Variants in MEPE observed in about 807,000 individuals in gnomAD.
The protein encoded by MEPE is matrix extracellular phosphoglycoprotein, also known as matrix, extracellular phosphoglycoprotein with ASARM motif (bone).
MEPE carries 7 observed loss-of-function variants against 7.3 expected under a neutral mutation model. The ratio of observed to expected loss-of-function variants is 0.95; its 90% CI spans 0.54 to 1.79. MEPE has a LOEUF of 1.79. MEPE is among the 40% of genes most tolerant of loss of function. MEPE has a pLI of 0.00. For missense variants in MEPE, 623 were observed against 628.2 expected (o/e 0.99, Z 0.09); for synonymous variants, 214 against 213.1 (o/e 1.00, Z -0.04).
chr4:87,834,473 A>G (rs1722705260), intron 1 of MEPE, among the ~76,000 whole-genome samples: 2 of 152,234 alleles, frequency 1.3e-5, no homozygotes, highest in Non-Finnish European at 2.9e-5. Flanking sequence ...TTTTAATGAT[A>G]TTGAATAATT....
At chr4:87,828,021 T>C (rs190278782), upstream of MEPE, among the ~76,000 whole-genome samples, 81 of 152,312 alleles carry the variant, frequency 5.3e-4, no homozygotes, top group African/African-American at 1.9e-3. Flanking sequence ...TTATTGATAC[T>C]CATGAATGAA....
At chr4:87,842,708 T>C (rs1723060303) in intron 3 of MEPE, among the ~76,000 whole-genome samples, 1 of 152,190 alleles carries the variant, frequency 6.6e-6, no homozygotes, top group Non-Finnish European at 1.5e-5. Flanking sequence ...GAGGGTTTCA[T>C]AGGAAAGAGG....
At chr4:87,844,929 A>T in intron 3 of MEPE, 48 bp from the exon 4 acceptor site, 3 of 1,332,418 alleles carry the variant, frequency 2.3e-6, no homozygotes, top group Non-Finnish European at 3.0e-6. Flanking sequence ...ATTATATTTT[A>T]AAAATTTTAC....
intron 1 of MEPE, among the ~76,000 whole-genome samples, chr4:87,822,512 A>G (rs1272228988): frequency 6.6e-6 from 1 of 152,180 alleles, no homozygotes; most frequent in East Asian, 1.9e-4. Flanking sequence ...GGGACCATGA[A>G]GTCAAATACA....
At chr4:87,839,661 C>A in intron 3 of MEPE, 1 of 1,507,302 alleles carries the variant, frequency 6.6e-7, no homozygotes, top group Non-Finnish European at 9.0e-7. Context: ...AAACGTGCCT[C>A]AATATAATGT....
upstream of MEPE, among the ~76,000 whole-genome samples, chr4:87,829,225 T>C (rs1164469799): frequency 2.0e-5 from 3 of 152,126 alleles, no homozygotes; most frequent in Non-Finnish European, 4.4e-5. Flanking sequence ...TTTTTTTTGC[T>C]TTTGTCAATT....
At chr4:87,831,566 T>A (rs1169510415), upstream of MEPE, among the ~76,000 whole-genome samples, 1 of 152,154 alleles carries the variant, frequency 6.6e-6, no homozygotes, top group African/African-American at 2.4e-5. Context: ...CTGGCTGGGA[T>A]TATTACAAGA....
chr4:87,821,710 T>A (rs1722342571), intron 1 of MEPE, among the ~76,000 whole-genome samples: 1 of 152,152 alleles, frequency 6.6e-6, no homozygotes, highest in Non-Finnish European at 1.5e-5. Context: ...CCTAGCCTCG[T>A]GATGACAGTA....
In MEPE at chr4:87,837,349, T is replaced by TC. The variant is rs201808586; in HGVS notation, c.55-1276dup. Reference sequence around the variant, plus strand: ...GGACATACCCTGGCTTCTCTCTCCTTCCCCCCCTCCAGACTCATGCCAGGC... The same window carrying TC: ...GGACATACCCTGGCTTCTCTCTCCTTCCCCCCCCTCCAGACTCATGCCAGGC... On this transcript the variant is annotated intron_variant, in intron 2 of 3. Coordinates refer to ENST00000361056, the MANE Select transcript of MEPE (RefSeq NM_020203.6). Among the ~76,000 whole-genome samples the TC allele has an allele frequency of 3.4e-3, 512 of 151,144 alleles. 6 individuals carry two copies. The highest frequency in any genetic ancestry group is 0.012 in the African/African-American group (470 of 40,746).
intron 1 of MEPE, among the ~76,000 whole-genome samples, chr4:87,825,926 G>A (rs191864925): frequency 3.3e-5 from 5 of 152,288 alleles, no homozygotes; most frequent in South Asian, 2.1e-4. Flanking sequence ...TTATAAGTGA[G>A]AACGTGCAGT....
At chr4:87,828,191 A>C (rs1403734723), upstream of MEPE, among the ~76,000 whole-genome samples, 1 of 152,186 alleles carries the variant, frequency 6.6e-6, no homozygotes. Flanking sequence ...AGAAGAGATT[A>C]CTCAACATGG....
At chr4:87,824,658 A>G (rs1334269362) in intron 1 of MEPE, among the ~76,000 whole-genome samples, 1 of 152,174 alleles carries the variant, frequency 6.6e-6, no homozygotes, top group Admixed American at 6.5e-5. Flanking sequence ...CATTTTGAAA[A>G]TGTTGTTGTC....
At chr4:87,834,873 A>G in intron 2 of MEPE, 105 bp downstream of exon 2, 1 of 923,336 alleles carries the variant, frequency 1.1e-6, no homozygotes, top group Non-Finnish European at 1.7e-6. Context: ...TACCTAATTC[A>G]GTTATTTTAA....
Position 87,846,230 on chromosome 4 carries a change from T to C in MEPE, c.1362T>C (p.Phe454=). The stretch of plus-strand genomic sequence containing the variant: ...AAATCAAAAACGAAATGGATTCCTT[T>C]AATGGCCCCAGTCATGAGAATATAA... ...DNEIKNEMDS[F]NGPSHENIIT... The change falls in exon 4 of 4, where the codon TTT becomes TTC. Residue 454 remains phenylalanine (F), a synonymous_variant. Coordinates refer to ENST00000361056, the MANE Select transcript of MEPE (RefSeq NM_020203.6). 1 of 1,614,054 alleles carries C rather than the reference T, an allele frequency of 6.2e-7. No individual in the cohort carries two copies. The highest frequency in any genetic ancestry group is 8.5e-7 in the Non-Finnish European group (1 of 1,179,970).
At chr4:87,822,879 G>A (rs530957148) in intron 1 of MEPE, among the ~76,000 whole-genome samples, 4 of 152,142 alleles carry the variant, frequency 2.6e-5, no homozygotes, top group Admixed American at 6.5e-5. Flanking sequence ...GCTGCAGGAG[G>A]AATTGCAGGG....
chr4:87,826,694 A>C (rs963721298), intron 1 of MEPE, among the ~76,000 whole-genome samples: 1 of 152,232 alleles, frequency 6.6e-6, no homozygotes, highest in South Asian at 2.1e-4. Context: ...GTGACGTGTG[A>C]GATGGTATCT....
intron 1 of MEPE, among the ~76,000 whole-genome samples, chr4:87,826,382 T>TG (rs1026459858): frequency 8.1e-5 from 11 of 135,116 alleles, no homozygotes; most frequent in Non-Finnish European, 1.7e-4. Flanking sequence ...CCACAACAGT[T>TG]TTTTTTTTTG....
rs372153135 is a variant in MEPE at position 87,845,133 on chromosome 4, T to C, written c.265T>C (p.Tyr89His). Residue 89 changes from tyrosine (Y) to histidine (H), a missense_variant, in exon 4 of 4, where the codon TAT becomes CAT. Tyr to His is a moderately conservative substitution (Grantham distance 83). Transcript: ENST00000361056. ...TAAGGGAAGTAGTAAATCTCAAAAT[T>C]ATTTCACAAATAGACAGAGACTGAA... is the stretch of plus-strand genomic sequence containing the variant. ...ENKGSSKSQN[Y>H]FTNRQRLNKE... The C allele has an allele frequency of 5.0e-5, 80 of 1,613,594 alleles. No homozygotes were observed. In the Middle Eastern group the frequency reaches 1.5e-3, roughly 30 times the overall value.
Position 87,838,699 on chromosome 4 carries a change from A to G in MEPE, c.108+14A>G, listed in dbSNP as rs768037642. The G allele has an allele frequency of 1.9e-6, 3 of 1,609,262 alleles. No homozygotes were observed. The highest frequency in any genetic ancestry group is 2.6e-6 in the Non-Finnish European group (3 of 1,176,110). The stretch of plus-strand genomic sequence containing the variant: ...GAAGAGCAGAGGGTAAACAGAATTC[A>G]TCTTTTCAAATAACTCTATTTCAGC... On this transcript the variant is annotated intron_variant, in intron 3 of 3. Coordinates refer to ENST00000361056, the MANE Select transcript of MEPE (RefSeq NM_020203.6).
Sources: gnomAD v4.1 joint callset for allele counts (sites outside exome capture counted in the v4.1 genomes callset) on GRCh38, gnomAD v4.1.1 for gene constraint, MANE v1.5 for transcripts, NCBI Gene and HGNC (gene_info 2026-07-23, HGNC 2026-07-21) for gene names.